The following ZBTB47 variants were observed in gnomAD, a reference collection of about 807,000 sequenced individuals.
ZBTB47 encodes zinc finger and BTB domain-containing protein 47.
ZBTB47 carries 24 observed loss-of-function variants against 56.6 expected under a neutral mutation model. That is an observed-to-expected ratio of 0.42 (90% CI 0.31 to 0.60). ZBTB47 has a LOEUF of 0.60. Ranked by LOEUF, ZBTB47 falls within the 20% of genes least tolerant of loss-of-function variation. The pLI is 0.14. For missense variants in ZBTB47, 829 were observed against 1,032.6 expected, an observed-to-expected ratio of 0.80 and a Z score of 2.70; for synonymous variants, 414 against 418.9, an observed-to-expected ratio of 0.99 and a Z score of 0.14.
In ZBTB47 at chr3:42,659,352, G is replaced by A. The variant is rs1204492619; in HGVS notation, c.997G>A (p.Glu333Lys). The A allele has an allele frequency of 6.9e-7, 1 of 1,456,592 alleles. No homozygotes were observed. The highest frequency in any genetic ancestry group is 9.2e-7 in the Non-Finnish European group (1 of 1,090,646). The allele number at this position is 1,456,592 out of a possible 1,614,324, so 90.2% of individuals were successfully genotyped here. ...GCAGGAAGAGGAAGAGGAGGAGGAA[G>A]AGGAGGAAGGGCCTAGTGAGCAGGA... ...SEQEEEEEEE[E>K]EEGPSEQDQE... The change falls in exon 2 of 6, where the codon GAG (glutamate) becomes AAG (lysine). Residue 333 changes from glutamate to lysine, a missense_variant. Around this residue, in one of 6 missense-constraint regions of ZBTB47, gnomAD observed 359 missense variants for 359.8 expected, o/e 1.00. Coordinates refer to ENST00000232974, the MANE Select transcript of ZBTB47 (RefSeq NM_145166.4).
At chr3:42,653,120 G>A (rs914030301), upstream of ZBTB47, among the ~76,000 whole-genome samples, 1 of 152,180 alleles carries the variant, frequency 6.6e-6, no homozygotes, top group Admixed American at 6.5e-5. Context: ...CCTAGCTCTG[G>A]GATAGCCTTA....
At chr3:42,657,642 C>T (rs930369208) in intron 1 of ZBTB47, among the ~76,000 whole-genome samples, 2 of 152,218 alleles carry the variant, frequency 1.3e-5, no homozygotes, top group Non-Finnish European at 2.9e-5. Context: ...GCAGCAGCCA[C>T]ATGGCTGTTG....
In ZBTB47 at chr3:42,664,971, C is replaced by T. The variant is rs748977373; in HGVS notation, c.*373C>T. On this transcript the variant is annotated 3_prime_UTR_variant, in exon 6 of 6. Coordinates refer to ENST00000232974, the MANE Select transcript of ZBTB47 (RefSeq NM_145166.4). The stretch of plus-strand genomic sequence containing the variant: ...GCAGCAGGTGTGGCCAGTCCCTCTG[C>T]CAAGGCCTGTGCCAGAGGGGTTGGC... 8.6e-5 allele frequency: 15 copies of T among 174,862 alleles called. No homozygotes were observed. The highest frequency in any genetic ancestry group is 1.1e-4 in the Non-Finnish European group (9 of 83,922). 10.8% of individuals were successfully genotyped at this position (174,862 alleles called of 1,614,324 possible). A position where few individuals can be genotyped will look rare whatever the true frequency, so the allele number is the denominator to read the frequency against.
Position 42,659,491 on chromosome 3 carries a change from C to A in ZBTB47, c.1136C>A (p.Thr379Lys). ...ADPPPHSHMA[T>K]RSRENARRRG... ...CCCCCTCCCCACAGTCACATGGCCACACGGTCCCGGGAGAACGCCCGGCGC... is the reference window on the plus strand; with the variant it reads ...CCCCCTCCCCACAGTCACATGGCCAAACGGTCCCGGGAGAACGCCCGGCGC... Residue 379 changes from threonine (T) to lysine (K), a missense_variant, in exon 2 of 6, where the codon ACA becomes AAA. Around this residue, in one of 6 missense-constraint regions of ZBTB47, gnomAD observed 359 missense variants for 359.8 expected, o/e 1.00. Coordinates refer to ENST00000232974, the MANE Select transcript of ZBTB47 (RefSeq NM_145166.4). The A allele has an allele frequency of 6.5e-7, 1 of 1,530,414 alleles. No homozygotes were observed. 94.8% of individuals were successfully genotyped at this position (1,530,414 alleles called of 1,614,324 possible).
At chr3:42,657,396 C>T (rs1324228025) in intron 1 of ZBTB47, among the ~76,000 whole-genome samples, 3 of 152,218 alleles carry the variant, frequency 2.0e-5, no homozygotes, top group Non-Finnish European at 4.4e-5. Flanking sequence ...GCCTTGGGGG[C>T]CTCCTGCCTG....
intron 3 of ZBTB47, 142 bp from the exon 4 acceptor site, chr3:42,662,870 C>T: frequency 1.6e-6 from 1 of 607,294 alleles, no homozygotes; most frequent in Non-Finnish European, 3.0e-6. Context: ...TGGGAATCAG[C>T]ACAGGTCCTG....
Position 42,662,133 on chromosome 3 carries a change from G to T in ZBTB47, c.1621+501G>T, listed in dbSNP as rs564233769. ...GACACAGTAAGGAGGTCCCCCAATT[G>T]TGTGTTTTGGCCACGCCACTGCCCC... On this transcript the variant is annotated intron_variant, in intron 3 of 5. Coordinates refer to ENST00000232974, the MANE Select transcript of ZBTB47 (RefSeq NM_145166.4). 3.0e-4 allele frequency among the ~76,000 whole-genome samples: 45 copies of T among 152,294 alleles called. 1 individual carries two copies. The South Asian group carries it at 9.1e-3, about 31-fold the overall frequency.
chr3:42,654,881 G>C lies in ZBTB47; in HGVS notation c.-82+998G>C, dbSNP rs947267124. Among the ~76,000 whole-genome samples, 4 of 151,534 alleles carry C rather than the reference G, an allele frequency of 2.6e-5. No homozygotes were observed. The highest frequency in any genetic ancestry group is 2.6e-4 in the Admixed American group (4 of 15,264). ...GCGCTGTGGCGCTGCTCTCGGTGGG[G>C]AGGGGGTTAAATTCCTGTGGTGGGG... On this transcript the variant is annotated intron_variant, in intron 1 of 5. Transcript: ENST00000232974. The surrounding 1 kb of genome is among the most constrained non-coding windows in gnomAD (Gnocchi z 5.0).
chr3:42,659,422 G>C lies in ZBTB47; in HGVS notation c.1067G>C (p.Gly356Ala), dbSNP rs758457841. The C allele has an allele frequency of 6.9e-7, 1 of 1,447,208 alleles. No homozygotes were observed. Among genetic ancestry groups the C allele is most frequent in the Non-Finnish European group, 9.0e-7 (1 of 1,106,234 alleles). The allele number at this position is 1,447,208 out of a possible 1,614,324, so 89.6% of individuals were successfully genotyped here. A position where few individuals can be genotyped will look rare whatever the true frequency, so the allele number is the denominator to read the frequency against. Residue 356 changes from glycine (G) to alanine (A), a missense_variant, in exon 2 of 6, where the codon GGG (glycine) becomes GCG (alanine). Transcript: ENST00000232974. Reference sequence around the variant, plus strand: ...GAGGAGGGGGAGGAGGGGGAGGCTGGGGGCAAGCAGGGGCCACGGGGAAGC... The same window carrying C: ...GAGGAGGGGGAGGAGGGGGAGGCTGCGGGCAAGCAGGGGCCACGGGGAAGC... ...EEEEGEEGEA[G>A]GKQGPRGSRS...
chr3:42,660,910 A>C (rs1294282053), intron 2 of ZBTB47, among the ~76,000 whole-genome samples: 1 of 152,144 alleles, frequency 6.6e-6, no homozygotes, highest in Non-Finnish European at 1.5e-5. Context: ...GGGCAGGACA[A>C]GGGTCCAGGA....
chr3:42,663,701 C>A lies in ZBTB47; in HGVS notation c.1738-96C>A. 6.7e-7 allele frequency: 1 copy of A among 1,485,690 alleles called. No homozygotes were observed. Among genetic ancestry groups the A allele is most frequent in the South Asian group, 1.3e-5 (1 of 77,334 alleles). 92.0% of individuals were successfully genotyped at this position (1,485,690 alleles called of 1,614,324 possible). On this transcript the variant is annotated intron_variant, in intron 4 of 5. Transcript: ENST00000232974. The surrounding 1 kb of genome is among the most constrained non-coding windows in gnomAD (Gnocchi z 5.1). ...CTTGCCCAGGAGCCCCTGAGTGTGT[C>A]CCTCCTTGGCCCTGTGGCCACAGGG...
rs1048568572 is a variant in ZBTB47, at chr3:42,664,795, A to G, written c.*197A>G. The G allele has an allele frequency of 4.0e-6, 2 of 496,584 alleles. No homozygotes were observed. The highest frequency in any genetic ancestry group is 6.3e-6 in the Non-Finnish European group (2 of 316,450). The allele number at this position is 496,584 out of a possible 1,614,324, so 30.8% of individuals were successfully genotyped here. Reference sequence around the variant, plus strand: ...GCAGGCCCCAGAGCTGGTGGAGGGCATCTCACTCCCAAGTGCCCCCCCTTT... The same window carrying G: ...GCAGGCCCCAGAGCTGGTGGAGGGCGTCTCACTCCCAAGTGCCCCCCCTTT... On this transcript the variant is annotated 3_prime_UTR_variant, in exon 6 of 6. Coordinates refer to ENST00000232974, the MANE Select transcript of ZBTB47 (RefSeq NM_145166.4).
In ZBTB47 at chr3:42,658,186, A is replaced by G. The variant is rs545490479; in HGVS notation, c.-81-89A>G. Reference sequence around the variant, plus strand: ...CCACGAGTGATGGGCTGCCTCCTGGATGGCTGGCAATGCTGGGAGTGGTGC... The same window carrying G: ...CCACGAGTGATGGGCTGCCTCCTGGGTGGCTGGCAATGCTGGGAGTGGTGC... On this transcript the variant is annotated intron_variant, in intron 1 of 5. Coordinates refer to ENST00000232974, the MANE Select transcript of ZBTB47 (RefSeq NM_145166.4). The G allele has an allele frequency of 4.4e-6, 6 of 1,356,236 alleles. No individual in the cohort carries two copies. The South Asian group carries it at 9.2e-5, about 21-fold the overall frequency. The allele number at this position is 1,356,236 out of a possible 1,614,324, so 84.0% of individuals were successfully genotyped here.
chr3:42,660,116 A>G (rs940987082), intron 2 of ZBTB47, among the ~76,000 whole-genome samples: 1 of 152,344 alleles, frequency 6.6e-6, no homozygotes, highest in South Asian at 2.1e-4. Context: ...AAGGGGACAC[A>G]TGGACTTGGG....
Position 42,664,393 on chromosome 3 carries a change from A to C in ZBTB47, c.2039A>C (p.Glu680Ala). 1 of 1,600,064 alleles carries C rather than the reference A, an allele frequency of 6.2e-7. No individual in the cohort carries two copies. Among genetic ancestry groups the C allele is most frequent in the Non-Finnish European group, 8.5e-7 (1 of 1,174,144 alleles). ...RFSNMLKAHK[E>A]KCFRVSHTLA... ...TCCAACATGCTCAAGGCCCACAAGG[A>C]GAAGTGCTTCCGCGTCAGCCACACC... Residue 680 changes from glutamate (E) to alanine (A), a missense_variant, in exon 6 of 6, where the codon GAG becomes GCG. Transcript: ENST00000232974.
rs369506081 is a variant in ZBTB47 at position 42,663,841 on chromosome 3, C to T, written c.1782C>T (p.His594=). The change falls in exon 5 of 6, where the codon CAC becomes CAT. Residue 594 remains histidine (H), a synonymous_variant. Transcript: ENST00000232974. This position sits in a 1 kb window ranked among gnomAD's most constrained non-coding sequence, Gnocchi z 5.1. ...AGTACAAGTACCAGCTGCGGTCACA[C>T]ATGAGCATCCACATTGGCCACAAGC... is the stretch of plus-strand genomic sequence containing the variant. ...RFQYKYQLRS[H]MSIHIGHKQF... 1 of 1,613,842 alleles carries T rather than the reference C, an allele frequency of 6.2e-7. No homozygotes were observed.
chr3:42,658,065 C>T (rs1710658750), intron 1 of ZBTB47, among the ~76,000 whole-genome samples: 3 of 152,248 alleles, frequency 2.0e-5, no homozygotes, highest in Non-Finnish European at 1.5e-5. Context: ...GATCTTCAGC[C>T]TCAGAGGGTC....
In ZBTB47 at chr3:42,661,557, G is replaced by T. The variant is rs925183998; in HGVS notation, c.1546G>T (p.Ala516Ser). 6.2e-7 allele frequency: 1 copy of T among 1,614,048 alleles called. No individual in the cohort carries two copies. The highest frequency in any genetic ancestry group is 8.5e-7 in the Non-Finnish European group (1 of 1,179,894). ...GCATAACAAGATTGTGCACGGCTAC[G>T]CAGAGAAGAAGTTCTCATGCGAGAT... is the stretch of plus-strand genomic sequence containing the variant. ...HEHNKIVHGY[A>S]EKKFSCEICE... The change falls in exon 3 of 6, where the codon GCA becomes TCA. Residue 516 changes from alanine (A) to serine (S), a missense_variant. Around this residue, in one of 6 missense-constraint regions of ZBTB47, gnomAD observed 187 missense variants for 253.1 expected, o/e 0.74. Transcript: ENST00000232974.
rs1208587483 is a variant in ZBTB47, at chr3:42,665,637, C to T, written c.*1039C>T. 6.5e-6 allele frequency: 1 copy of T among 152,890 alleles called. No individual in the cohort carries two copies. Among genetic ancestry groups the T allele is most frequent in the Non-Finnish European group, 1.5e-5 (1 of 68,264 alleles). The allele number at this position is 152,890 out of a possible 1,614,324, so 9.5% of individuals were successfully genotyped here. ...AAAGGCCCGCTCTAGGCCTTATCCT[C>T]CCTCTAGGTCCTGCCACAACCTGTC... On this transcript the variant is annotated 3_prime_UTR_variant, in exon 6 of 6. Coordinates refer to ENST00000232974, the MANE Select transcript of ZBTB47 (RefSeq NM_145166.4).
Sources: gnomAD v4.1 joint callset for allele counts (sites outside exome capture counted in the v4.1 genomes callset) on GRCh38, gnomAD v4.1.1 for gene constraint, gnomAD v4.1.1 regional missense constraint, Gnocchi (gnomAD v3.1) non-coding constraint, MANE v1.5 for transcripts, NCBI Gene and HGNC (gene_info 2026-07-23, HGNC 2026-07-21) for gene names.